The following APC variants were observed in gnomAD, a reference collection of about 807,000 sequenced individuals.
The protein encoded by APC is adenomatous polyposis coli protein.
APC carries 72 observed loss-of-function variants against 247.0 expected under a neutral mutation model. The observed-to-expected ratio is 0.29, with a 90% CI of 0.24 to 0.35. The LOEUF (loss-of-function observed/expected upper bound fraction) is 0.35. Among genes scored for constraint, APC ranks in the 10% least tolerant of loss-of-function variants. APC has a pLI of 1.00. For synonymous variants in APC, 1,254 were observed against 1,162.5 expected (o/e 1.08, Z -1.60); for missense variants, 3,400 against 3,360.7 (o/e 1.01, Z -0.29).
At chr5:112,818,869 T>TTTGAGTTATAGTAAATA in intron 9 of APC, 97 bp from the exon 10 acceptor site, 2 of 1,376,290 alleles carry the variant, frequency 1.5e-6, no homozygotes, top group Non-Finnish European at 1.0e-6. Context: ...TTTTGTTTTT[T>TTTGAGTTATAGTAAATA]TAGAGTTATA....
In APC at chr5:112,829,081, G is replaced by A. The variant is rs1226705019; in HGVS notation, c.1743+109G>A. On this transcript the variant is annotated intron_variant, in intron 14 of 15. Transcript: ENST00000257430. ...TAATTTCTTACCTGTGTATTATTCAGTACTATAATATGAATTTCATGTTTA... is the reference window on the plus strand; with the variant it reads ...TAATTTCTTACCTGTGTATTATTCAATACTATAATATGAATTTCATGTTTA... The A allele has an allele frequency of 2.2e-5, 17 of 763,228 alleles. No homozygotes were observed. In the Admixed American group the frequency reaches 3.0e-4, roughly 14 times the overall value. 47.3% of individuals were successfully genotyped at this position (763,228 alleles called of 1,614,324 possible).
chr5:112,752,043 AT>A (rs1036053115), intron 1 of APC, among the ~76,000 whole-genome samples: 2 of 151,940 alleles, frequency 1.3e-5, no homozygotes, highest in African/African-American at 4.8e-5. Context: ...TGACTTTTTC[AT>A]TGTAAATTAT....
chr5:112,744,126 G>A (rs1020487204), intron 1 of APC, among the ~76,000 whole-genome samples: 2 of 152,038 alleles, frequency 1.3e-5, no homozygotes, highest in African/African-American at 4.8e-5. Context: ...ACAGGTGTGA[G>A]CCACTGTGCT....
At chr5:112,712,127 C>T (rs528692668) in intron 1 of APC, among the ~76,000 whole-genome samples, 1 of 152,140 alleles carries the variant, frequency 6.6e-6, no homozygotes, top group African/African-American at 2.4e-5. Context: ...CAACACAATA[C>T]GGGGAAGGGG....
intron 1 of APC, among the ~76,000 whole-genome samples, chr5:112,714,295 A>G (rs971711647): frequency 1.3e-5 from 2 of 152,238 alleles, no homozygotes; most frequent in Non-Finnish European, 2.9e-5. Flanking sequence ...TGGTCCCACA[A>G]AACAGAATTG....
rs577783527 is a variant in APC at position 112,828,198 on chromosome 5, G to A, written c.1626+192G>A. Among the ~76,000 whole-genome samples, 7 of 151,922 alleles carry A rather than the reference G, an allele frequency of 4.6e-5. No individual in the cohort carries two copies. The East Asian group carries it at 5.8e-4, about 13-fold the overall frequency. Reference sequence around the variant, plus strand: ...ACAGGTGCACACCACCATGCCAAACGAATTTTTGTATTTTTTATAGAGACG... The same window carrying A: ...ACAGGTGCACACCACCATGCCAAACAAATTTTTGTATTTTTTATAGAGACG... On this transcript the variant is annotated intron_variant, in intron 13 of 15. Coordinates refer to ENST00000257430, the MANE Select transcript of APC (RefSeq NM_000038.6).
At position 112,839,821 on chromosome 5, in the gene APC, A is replaced by G. The variant is rs2149909402; in HGVS notation, c.4227A>G (p.Pro1409=). 6.2e-7 allele frequency: 1 copy of G among 1,614,146 alleles called. No homozygotes were observed. The highest frequency in any genetic ancestry group is 2.2e-5 in the East Asian group (1 of 44,872). Residue 1409 remains proline, a synonymous_variant, in exon 16 of 16, where the codon CCA becomes CCG. Coordinates refer to ENST00000257430, the MANE Select transcript of APC (RefSeq NM_000038.6). This position sits in a 1 kb window ranked among gnomAD's most constrained non-coding sequence, Gnocchi z 5.0. ...TTGCCAGCTCCGTTCAGAGTGAACCATGCAGTGGAATGGTAAGTGGCATTA... is the reference window on the plus strand; with the variant it reads ...TTGCCAGCTCCGTTCAGAGTGAACCGTGCAGTGGAATGGTAAGTGGCATTA... ...RSIASSVQSE[P]CSGMVSGIIS... is the part of the protein sequence containing the mutation.
intron 1 of APC, among the ~76,000 whole-genome samples, chr5:112,724,987 A>T (rs949432253): frequency 6.6e-6 from 1 of 151,476 alleles, no homozygotes; most frequent in Non-Finnish European, 1.5e-5. Flanking sequence ...TTTTTATTTT[A>T]TTTTTTTTTA....
chr5:112,821,030 A>AT (rs1268327067), intron 10 of APC, among the ~76,000 whole-genome samples: 13,729 of 132,370 alleles, frequency 0.1, 840 homozygotes, highest in African/African-American at 0.15. Context: ...CAACTGACTA[A>AT]TTTTTTTTTT....
At chr5:112,718,453 C>T (rs556290466) in intron 1 of APC, among the ~76,000 whole-genome samples, 46 of 152,308 alleles carry the variant, frequency 3.0e-4, no homozygotes, top group African/African-American at 1.1e-3. Flanking sequence ...TTCTAGGTTG[C>T]AGCCCTTTAG....
At chr5:112,734,798 T>TG (rs1561414895), upstream of APC, among the ~76,000 whole-genome samples, 2 of 151,280 alleles carry the variant, frequency 1.3e-5, no homozygotes, top group Non-Finnish European at 3.0e-5. Flanking sequence ...TGTGTGTTTT[T>TG]TTTTTTTTTT....
At chr5:112,770,430 G>A (rs1756906968) in intron 4 of APC, among the ~76,000 whole-genome samples, 1 of 152,090 alleles carries the variant, frequency 6.6e-6, no homozygotes, top group East Asian at 1.9e-4. Context: ...AGGTGCTTTA[G>A]CCTTTTCTGT....
At chr5:112,789,377 G>T (rs1759323907) in intron 6 of APC, among the ~76,000 whole-genome samples, 1 of 152,108 alleles carries the variant, frequency 6.6e-6, no homozygotes, top group Admixed American at 6.5e-5. Context: ...TAGGTATAGG[G>T]ATTAGGAATA....
chr5:112,741,856 A>G (rs1753072619), intron 1 of APC, among the ~76,000 whole-genome samples: 1 of 152,180 alleles, frequency 6.6e-6, no homozygotes, highest in South Asian at 2.1e-4. Flanking sequence ...GGAACCTCTA[A>G]TAAGAAAAAC....
chr5:112,799,259 T>C lies in APC; in HGVS notation c.730-2020T>C, dbSNP rs373067973. Among the ~76,000 whole-genome samples, 98 of 150,844 alleles carry C rather than the reference T, an allele frequency of 6.5e-4. 1 individual carries two copies. Among genetic ancestry groups the C allele is most frequent in the African/African-American group, 2.3e-3 (94 of 41,168 alleles). ...AACATAATTAATGATCTGTTCCTCC[T>C]AAGCCCTCTTTACTACCCCACCTTG... On this transcript the variant is annotated intron_variant, in intron 7 of 15. Transcript: ENST00000257430.
intron 2 of APC, among the ~76,000 whole-genome samples, chr5:112,764,808 G>GA (rs1344231976): frequency 6.6e-6 from 1 of 152,184 alleles, no homozygotes; most frequent in Non-Finnish European, 1.5e-5. Context: ...TGGAATCCTG[G>GA]AAAAATCACA....
chr5:112,809,197 C>CAA lies in APC; in HGVS notation c.835-6284_835-6283dup, dbSNP rs542569641. Among the ~76,000 whole-genome samples the CAA allele has an allele frequency of 5.3e-3, 667 of 126,274 alleles. 5 individuals carry two copies. The highest frequency in any genetic ancestry group is 0.018 in the African/African-American group (632 of 35,110). The allele number at this position is 126,274 out of a possible 152,430, so 82.8% of individuals were successfully genotyped here. On this transcript the variant is annotated intron_variant, in intron 8 of 15. Transcript: ENST00000257430. ...GGAGACCCTGTCTCTACAAAAAATA[C>CAA]AAAAAAAAAAAAAAATTAGGCGTGG...
In APC at chr5:112,837,096, A is replaced by T. The variant is rs916143707; in HGVS notation, c.1959-457A>T. ...AAGTGTTCTAATCTAAGAGCTTATA[A>T]TGTGCACTGACTGCAGAAAAATCTT... On this transcript the variant is annotated intron_variant, in intron 15 of 15. Transcript: ENST00000257430. 3.3e-5 allele frequency among the ~76,000 whole-genome samples: 5 copies of T among 152,336 alleles called. No homozygotes were observed. In the South Asian group the frequency reaches 1.0e-3, roughly 32 times the overall value.
rs201522866 is a variant in APC at position 112,838,032 on chromosome 5, A to G, written c.2438A>G (p.Asn813Ser). 5.6e-5 allele frequency: 91 copies of G among 1,614,048 alleles called. No homozygotes were observed. The highest frequency in any genetic ancestry group is 4.9e-4 in the Middle Eastern group (3 of 6,084). Reference protein sequence around the residue: ...TNRHDDNRSDNFNTGNMTVLS... With the variant: ...TNRHDDNRSDSFNTGNMTVLS... ...CGACATGATGATAATAGGTCAGACA[A>G]TTTTAATACTGGCAACATGACTGTC... is the stretch of plus-strand genomic sequence containing the variant. The change falls in exon 16 of 16, where the codon AAT becomes AGT. Residue 813 changes from asparagine to serine, a missense_variant. Transcript: ENST00000257430.
Sources: allele counts gnomAD v4.1 joint callset (sites outside exome capture counted in the v4.1 genomes callset), GRCh38; gene constraint gnomAD v4.1.1; non-coding constraint Gnocchi (gnomAD v3.1); transcripts MANE v1.5; gene names NCBI Gene and HGNC (gene_info 2026-07-23, HGNC 2026-07-21).